Variants in UBE4B observed in about 807,000 individuals in gnomAD.
UBE4B encodes the protein ubiquitin conjugation factor E4 B.
In UBE4B, 27 loss-of-function variants were observed where a neutral mutation model predicts 148.1. That is an observed-to-expected ratio of 0.18 (90% CI 0.13 to 0.25). UBE4B has a LOEUF of 0.25. Among genes scored for constraint, UBE4B ranks in the 10% least tolerant of loss-of-function variants. The probability of loss-of-function intolerance (pLI) is 1.00; values close to 1 mark genes in which losing one functional copy is unlikely to be tolerated. For synonymous variants in UBE4B, 596 were observed against 619.3 expected, an observed-to-expected ratio of 0.96 and a Z score of 0.56; for missense variants, 1,170 against 1,662.4, an observed-to-expected ratio of 0.70 and a Z score of 5.15.
At position 10,146,998 on chromosome 1, in the gene UBE4B, C is replaced by T; in HGVS notation, c.2499C>T (p.Gly833=). 1 of 1,614,082 alleles carries T rather than the reference C, an allele frequency of 6.2e-7. No individual in the cohort carries two copies. The highest frequency in any genetic ancestry group is 8.5e-7 in the Non-Finnish European group (1 of 1,180,014). Residue 833 remains glycine (G), a synonymous_variant, in exon 19 of 28, where the codon GGC becomes GGT. Coordinates refer to ENST00000343090, the MANE Select transcript of UBE4B (RefSeq NM_001105562.3). The part of the protein sequence containing the change: ...LVRCKACADA[G]LLDESFLRRC... Reference sequence around the variant, plus strand: ...GGTGCAAGGCCTGTGCTGATGCTGGCCTACTTGACGAGAGCTTCCTGAGAA... The same window carrying T: ...GGTGCAAGGCCTGTGCTGATGCTGGTCTACTTGACGAGAGCTTCCTGAGAA...
chr1:10,143,914 A>T (rs1019998926), intron 17 of UBE4B, among the ~76,000 whole-genome samples: 18 of 152,174 alleles, frequency 1.2e-4, no homozygotes, highest in African/African-American at 4.1e-4. Flanking sequence ...TCACGCAGTC[A>T]CTTCACAGTA....
chr1:10,148,936 T>C (rs376074360), intron 19 of UBE4B, among the ~76,000 whole-genome samples: 14 of 152,130 alleles, frequency 9.2e-5, no homozygotes, highest in African/African-American at 2.2e-4. Flanking sequence ...TGAGACTCCA[T>C]CTCAGGGGAG....
At chr1:10,098,573 C>T (rs1230828476) in intron 3 of UBE4B, among the ~76,000 whole-genome samples, 1 of 152,194 alleles carries the variant, frequency 6.6e-6, no homozygotes, top group Non-Finnish European at 1.5e-5. Context: ...TCCTCCGTCC[C>T]TCTCTTCTCT....
intron 10 of UBE4B, among the ~76,000 whole-genome samples, chr1:10,123,334 G>C (rs1645440068): frequency 2.6e-5 from 4 of 150,984 alleles, no homozygotes. Context: ...GGGAGGCTGA[G>C]GTAGGAGAAT....
intron 15 of UBE4B, among the ~76,000 whole-genome samples, chr1:10,132,716 T>C (rs1420893371): frequency 6.6e-6 from 1 of 152,132 alleles, no homozygotes; most frequent in African/African-American, 2.4e-5. Context: ...GTAAATGACA[T>C]GAGAAGAACT....
In UBE4B at chr1:10,106,876, T is replaced by C. The variant is rs988284836; in HGVS notation, c.1196+293T>C. On this transcript the variant is annotated intron_variant, in intron 7 of 27. Coordinates refer to ENST00000343090, the MANE Select transcript of UBE4B (RefSeq NM_001105562.3). The surrounding 1 kb of genome is among the most constrained non-coding windows in gnomAD (Gnocchi z 4.2). ...CCTTTTGTCCTGTTGCCAGTGGTAG[T>C]TGAAATGCTATCAGACCAAGCAGGT... Among the ~76,000 whole-genome samples the C allele has an allele frequency of 9.9e-5, 15 of 152,260 alleles. No homozygotes were observed. Among genetic ancestry groups the C allele is most frequent in the East Asian group, 1.9e-4 (1 of 5,180 alleles).
Position 10,034,457 on chromosome 1 carries a change from GT to G in UBE4B, c.24+766del, listed in dbSNP as rs1461107029. Among the ~76,000 whole-genome samples the G allele has an allele frequency of 3.3e-5, 5 of 150,670 alleles. No individual in the cohort carries two copies. In the East Asian group the frequency reaches 9.7e-4, roughly 29 times the overall value. On this transcript the variant is annotated intron_variant, in intron 1 of 27. Transcript: ENST00000343090. ...TCTACTTCTTGATGTTTTAAAGATT[GT>G]TTAATAAATTAGGTTGTTGTAAAAA...
chr1:10,103,126 T>C, intron 5 of UBE4B, 34 bp downstream of exon 5: 1 of 1,545,486 alleles, frequency 6.5e-7, no homozygotes. Flanking sequence ...TACTGCAGAG[T>C]ACTCGACAAG....
At chr1:10,054,783 CTTT>C (rs1249879519) in intron 1 of UBE4B, 62 of 125,474 alleles carry the variant, frequency 4.9e-4, no homozygotes, top group Non-Finnish European at 7.5e-4. Context: ...TATCTTTCTC[CTTT>C]TTTTTTTTTT....
chr1:10,081,840 C>T (rs953958701), intron 2 of UBE4B, among the ~76,000 whole-genome samples: 32 of 152,052 alleles, frequency 2.1e-4, no homozygotes, highest in African/African-American at 7.7e-4. Context: ...CTGCCCGCTT[C>T]GGCCTCCCAA....
intron 1 of UBE4B, among the ~76,000 whole-genome samples, chr1:10,052,764 C>T (rs1336591234): frequency 6.6e-6 from 1 of 152,062 alleles, no homozygotes; most frequent in Non-Finnish European, 1.5e-5. Flanking sequence ...GGGTAGATGT[C>T]GTAGTTCATT....
At chr1:10,105,868 G>C in intron 6 of UBE4B, 124 bp downstream of exon 6, 1 of 1,060,834 alleles carries the variant, frequency 9.4e-7, no homozygotes, top group East Asian at 2.6e-5. Context: ...ATCATATTTG[G>C]GGAGGTGGAT....
At chr1:10,072,726 G>C in intron 2 of UBE4B, 1 of 445,952 alleles carries the variant, frequency 2.2e-6, no homozygotes, top group South Asian at 4.1e-5. Flanking sequence ...TAATAAATGA[G>C]CTGATGCTTG....
chr1:10,165,391 G>A (rs1260849537), intron 23 of UBE4B, among the ~76,000 whole-genome samples: 1 of 152,064 alleles, frequency 6.6e-6, no homozygotes, highest in Non-Finnish European at 1.5e-5. Context: ...TCTTACCTGG[G>A]TTATTGCAGT....
At chr1:10,102,220 G>A (rs979747079) in intron 4 of UBE4B, among the ~76,000 whole-genome samples, 3 of 151,866 alleles carry the variant, frequency 2.0e-5, no homozygotes, top group South Asian at 2.1e-4. Flanking sequence ...TGTTTTATCT[G>A]TGGTGGTATG....
At chr1:10,053,579 G>A (rs189661770) in intron 1 of UBE4B, among the ~76,000 whole-genome samples, 4 of 152,232 alleles carry the variant, frequency 2.6e-5, no homozygotes, top group Admixed American at 6.5e-5. Flanking sequence ...AGCGTGTACC[G>A]TGGTGGTTTG....
intron 18 of UBE4B, 88 bp downstream of exon 18, chr1:10,145,127 T>G: frequency 1.0e-6 from 1 of 972,200 alleles, no homozygotes; most frequent in African/African-American, 1.6e-5. Context: ...AGCAGTTTAG[T>G]GTCCTCACTT....
intron 1 of UBE4B, among the ~76,000 whole-genome samples, chr1:10,069,841 T>C (rs1255449133): frequency 1.3e-5 from 2 of 152,136 alleles, no homozygotes; most frequent in Non-Finnish European, 2.9e-5. Flanking sequence ...AGTGTACGGA[T>C]GTCCATTGTG....
chr1:10,152,626 C>T (rs368354280), intron 21 of UBE4B, among the ~76,000 whole-genome samples: 8 of 151,740 alleles, frequency 5.3e-5, no homozygotes, highest in Non-Finnish European at 1.0e-4. Context: ...GGAGAAACCC[C>T]GTCTCTACTA....
Sources: allele counts gnomAD v4.1 joint callset (sites outside exome capture counted in the v4.1 genomes callset), GRCh38; gene constraint gnomAD v4.1.1; non-coding constraint Gnocchi (gnomAD v3.1); transcripts MANE v1.5; gene names NCBI Gene and HGNC (gene_info 2026-07-23, HGNC 2026-07-21).